Variants in EPHA6 observed in about 807,000 individuals in gnomAD.
The protein encoded by EPHA6 is ephrin type-A receptor 6.
In EPHA6, 50 loss-of-function variants were observed where a neutral mutation model predicts 112.0. The observed-to-expected ratio is 0.45, with a 90% CI of 0.36 to 0.56. The LOEUF (loss-of-function observed/expected upper bound fraction) is 0.56. EPHA6 is among the 20% of genes least tolerant of loss of function. The probability of loss-of-function intolerance (pLI) is 0.00; values close to 1 mark genes in which losing one functional copy is unlikely to be tolerated. For missense variants in EPHA6, 1,280 were observed against 1,417.4 expected, an observed-to-expected ratio of 0.90 and a Z score of 1.56; for synonymous variants, 529 against 490.7, an observed-to-expected ratio of 1.08 and a Z score of -1.03.
intron 3 of EPHA6, 140 bp from the exon 4 acceptor site, chr3:97,226,124 A>C (rs1187467488): frequency 3.5e-6 from 2 of 576,394 alleles, no homozygotes; most frequent in South Asian, 4.0e-5. Context: ...TGTTAATCTT[A>C]ATATAGATGT....
intron 2 of EPHA6, among the ~76,000 whole-genome samples, chr3:96,969,606 TCTTAA>T (rs1014755962): frequency 3.0e-4 from 46 of 152,128 alleles, no homozygotes; most frequent in African/African-American, 9.4e-4. Context: ...AGAATCATAA[TCTTAA>T]CTTAAATGGT....
chr3:97,453,986 C>T (rs2090602933), intron 7 of EPHA6, among the ~76,000 whole-genome samples: 1 of 151,620 alleles, frequency 6.6e-6, no homozygotes, highest in Non-Finnish European at 1.5e-5. Flanking sequence ...AAATGTAATC[C>T]AAATTGATAT....
chr3:97,237,609 C>T (rs559570221), intron 4 of EPHA6, among the ~76,000 whole-genome samples: 8 of 152,004 alleles, frequency 5.3e-5, no homozygotes, highest in Non-Finnish European at 7.4e-5. Context: ...ATCAAGAAAT[C>T]ATTCATAATT....
intron 11 of EPHA6, among the ~76,000 whole-genome samples, chr3:97,542,841 G>A (rs1169264669): frequency 2.6e-5 from 4 of 152,120 alleles, no homozygotes. Flanking sequence ...TTCTCTGATG[G>A]CCAGTGATGA....
chr3:97,277,343 T>C (rs1201171333), intron 5 of EPHA6, among the ~76,000 whole-genome samples: 1 of 151,724 alleles, frequency 6.6e-6, no homozygotes, highest in Non-Finnish European at 1.5e-5. Flanking sequence ...CACAAGGTGC[T>C]CAGTGGGGGA....
intron 12 of EPHA6, among the ~76,000 whole-genome samples, chr3:97,593,934 C>T (rs1015778765): frequency 6.6e-6 from 1 of 152,026 alleles, no homozygotes; most frequent in Non-Finnish European, 1.5e-5. Context: ...CCTTTTTCTC[C>T]TTAGAGAAAG....
intron 7 of EPHA6, among the ~76,000 whole-genome samples, chr3:97,455,610 G>T (rs903714950): frequency 6.6e-6 from 1 of 151,904 alleles, no homozygotes; most frequent in Non-Finnish European, 1.5e-5. Flanking sequence ...TTAGCATAAT[G>T]TCTTTGAATA....
chr3:97,218,262 C>T (rs1416915926), intron 3 of EPHA6, among the ~76,000 whole-genome samples: 3 of 151,358 alleles, frequency 2.0e-5, no homozygotes, highest in Non-Finnish European at 4.4e-5. Flanking sequence ...AAGAGTGAGA[C>T]CCTATCTTAA....
At chr3:97,022,101 G>T (rs952973599) in intron 3 of EPHA6, among the ~76,000 whole-genome samples, 8 of 152,202 alleles carry the variant, frequency 5.3e-5, no homozygotes, top group Middle Eastern at 3.4e-3. Flanking sequence ...TCTAATACTG[G>T]TTTATGGGCA....
chr3:97,314,950 C>T (rs935923296), intron 5 of EPHA6, among the ~76,000 whole-genome samples: 1 of 151,508 alleles, frequency 6.6e-6, no homozygotes, highest in African/African-American at 2.4e-5. Flanking sequence ...CAAAATACGT[C>T]ATAGATACAA....
Position 97,031,468 on chromosome 3 carries a change from C to G in EPHA6, c.1114+43475C>G, listed in dbSNP as rs576327172. On this transcript the variant is annotated intron_variant, in intron 3 of 17. Transcript: ENST00000389672. ...AATGGGATCTAATTAAACTAAAGAGCTTCTACACAGCAAAAGAAACCACCA... is the reference window on the plus strand; with the variant it reads ...AATGGGATCTAATTAAACTAAAGAGGTTCTACACAGCAAAAGAAACCACCA... Among the ~76,000 whole-genome samples, 28 of 152,156 alleles carry G rather than the reference C, an allele frequency of 1.8e-4. No homozygotes were observed. In the South Asian group the frequency reaches 3.1e-3, roughly 17 times the overall value.
intron 3 of EPHA6, among the ~76,000 whole-genome samples, chr3:97,165,230 C>CT (rs2076512078): frequency 6.6e-6 from 1 of 152,110 alleles, no homozygotes; most frequent in Non-Finnish European, 1.5e-5. Context: ...GAGATACCAC[C>CT]TATACTCCAA....
At chr3:97,401,791 A>G (rs900302005) in intron 5 of EPHA6, among the ~76,000 whole-genome samples, 1 of 151,772 alleles carries the variant, frequency 6.6e-6, no homozygotes, top group Non-Finnish European at 1.5e-5. Context: ...CTTTTTAAAT[A>G]TAGGAACTTA....
intron 6 of EPHA6, among the ~76,000 whole-genome samples, chr3:97,431,763 C>A (rs1182140226): frequency 1.3e-5 from 2 of 152,038 alleles, no homozygotes; most frequent in Non-Finnish European, 2.9e-5. Context: ...CCAGATAGTT[C>A]TTTTCATATT....
intron 1 of EPHA6, among the ~76,000 whole-genome samples, chr3:96,854,875 A>G (rs532889646): frequency 9.2e-5 from 14 of 152,320 alleles, no homozygotes; most frequent in East Asian, 3.9e-4. Flanking sequence ...TTTGTTCTCT[A>G]TTACTGCTGT....
chr3:96,908,564 C>G (rs545206644), intron 2 of EPHA6, among the ~76,000 whole-genome samples: 1 of 151,828 alleles, frequency 6.6e-6, no homozygotes, highest in Admixed American at 6.6e-5. Flanking sequence ...TTCATATGTT[C>G]CCGTGCCGAT....
At chr3:97,623,743 C>T (rs546869698) in intron 13 of EPHA6, among the ~76,000 whole-genome samples, 1 of 151,726 alleles carries the variant, frequency 6.6e-6, no homozygotes, top group African/African-American at 2.4e-5. Context: ...ACTCTTAATA[C>T]TATCACATTA....
intron 2 of EPHA6, among the ~76,000 whole-genome samples, chr3:96,956,808 G>T (rs1001891793): frequency 5.9e-5 from 9 of 152,140 alleles, no homozygotes; most frequent in African/African-American, 2.2e-4. Context: ...GCTGAGGCGG[G>T]TGGATCACGA....
At chr3:96,930,344 A>T (rs2040248054) in intron 2 of EPHA6, among the ~76,000 whole-genome samples, 1 of 152,006 alleles carries the variant, frequency 6.6e-6, no homozygotes, top group African/African-American at 2.4e-5. Flanking sequence ...TTCCATCTTT[A>T]TGGGGTCTTT....
Sources: gnomAD v4.1 joint callset for allele counts (sites outside exome capture counted in the v4.1 genomes callset) on GRCh38, gnomAD v4.1.1 for gene constraint, MANE v1.5 for transcripts, NCBI Gene and HGNC (gene_info 2026-07-23, HGNC 2026-07-21) for gene names.